MAML3: variants seen among roughly 807,000 people sequenced by gnomAD.
MAML3 encodes mastermind-like protein 3.
MAML3 carries 27 observed loss-of-function variants against 101.9 expected under a neutral mutation model. The observed-to-expected ratio is 0.27, with a 90% CI of 0.20 to 0.37. MAML3 has a LOEUF of 0.37. Ranked by LOEUF, MAML3 falls within the 10% of genes least tolerant of loss-of-function variation. The pLI is 1.00. For missense variants in MAML3, 1,316 were observed against 1,444.9 expected, an observed-to-expected ratio of 0.91 and a Z score of 1.45; for synonymous variants, 501 against 555.9, an observed-to-expected ratio of 0.90 and a Z score of 1.39.
intron 1 of MAML3, among the ~76,000 whole-genome samples, chr4:140,111,897 C>G (rs1728444319): frequency 1.3e-5 from 2 of 152,230 alleles, no homozygotes. Flanking sequence ...AACCCTCACC[C>G]TTGCCCTCCT....
chr4:139,893,451 G>A (rs1033500669), intron 1 of MAML3, among the ~76,000 whole-genome samples: 7 of 152,106 alleles, frequency 4.6e-5, no homozygotes, highest in Admixed American at 2.6e-4. Context: ...TCTGTTTGGT[G>A]AGTTCCAAGA....
intron 2 of MAML3, among the ~76,000 whole-genome samples, chr4:139,776,011 T>C (rs934811921): frequency 1.3e-5 from 2 of 152,218 alleles, no homozygotes; most frequent in Non-Finnish European, 1.5e-5. Context: ...GCCATTTAAC[T>C]TATTTATGGG....
intron 3 of MAML3, among the ~76,000 whole-genome samples, chr4:139,727,046 G>C: frequency 6.6e-6 from 1 of 152,178 alleles, no homozygotes; most frequent in East Asian, 1.9e-4. Context: ...GTTCTTTAGA[G>C]TGTTCATTAT....
At chr4:140,039,579 T>C (rs1727046666) in intron 1 of MAML3, among the ~76,000 whole-genome samples, 1 of 152,188 alleles carries the variant, frequency 6.6e-6, no homozygotes, top group Non-Finnish European at 1.5e-5. Flanking sequence ...CCCATAGCAC[T>C]GTAGGCACAG....
chr4:140,019,873 A>T (rs945922952), intron 1 of MAML3, among the ~76,000 whole-genome samples: 2 of 152,210 alleles, frequency 1.3e-5, no homozygotes, highest in African/African-American at 4.8e-5. Flanking sequence ...CCTAATTTAT[A>T]TGACGAAATA....
chr4:140,041,332 G>A (rs1474715049), intron 1 of MAML3, among the ~76,000 whole-genome samples: 9 of 152,148 alleles, frequency 5.9e-5, no homozygotes, highest in African/African-American at 2.4e-5. Flanking sequence ...AGAACAGAGA[G>A]TGGAAGAGAG....
chr4:139,783,168 T>C (rs1386318285), intron 2 of MAML3, among the ~76,000 whole-genome samples: 4 of 152,208 alleles, frequency 2.6e-5, no homozygotes, highest in African/African-American at 9.7e-5. Context: ...TTGTCCTCTG[T>C]CTATCTGTAG....
chr4:139,813,049 T>A (rs1248062676), intron 2 of MAML3, among the ~76,000 whole-genome samples: 1 of 143,478 alleles, frequency 7.0e-6, no homozygotes, highest in African/African-American at 2.6e-5. Flanking sequence ...AAAATTAAAA[T>A]AAAACTCTTA....
chr4:139,946,463 A>C lies in MAML3; in HGVS notation c.469-55496T>G, dbSNP rs150557987. Among the ~76,000 whole-genome samples the C allele has an allele frequency of 5.5e-3, 832 of 152,262 alleles. 8 individuals are homozygous for C. The highest frequency in any genetic ancestry group is 0.017 in the African/African-American group (724 of 41,548). ...CAGTGCAATAATTTTTTTTTTGTTAAGCACACAGGTATGTACAAACGCACA... is the reference window on the plus strand; with the variant it reads ...CAGTGCAATAATTTTTTTTTTGTTACGCACACAGGTATGTACAAACGCACA... On this transcript the variant is annotated intron_variant, in intron 1 of 4. Transcript: ENST00000509479.
chr4:140,145,561 G>C (rs1301966939), intron 1 of MAML3, among the ~76,000 whole-genome samples: 1 of 147,938 alleles, frequency 6.8e-6, no homozygotes, highest in African/African-American at 2.6e-5. Context: ...TTTTTGTTTT[G>C]TTTTGTTTTG....
At chr4:140,139,834 T>G (rs1329113018) in intron 1 of MAML3, among the ~76,000 whole-genome samples, 1 of 152,196 alleles carries the variant, frequency 6.6e-6, no homozygotes, top group Non-Finnish European at 1.5e-5. Flanking sequence ...ACCTTGCATA[T>G]AGGTGAAAGT....
chr4:139,863,740 T>A (rs753909366), intron 2 of MAML3, among the ~76,000 whole-genome samples: 10 of 151,574 alleles, frequency 6.6e-5, no homozygotes, highest in Non-Finnish European at 1.3e-4. Flanking sequence ...TAAAATGCTC[T>A]ACAAATGTAA....
intron 1 of MAML3, among the ~76,000 whole-genome samples, chr4:140,024,209 A>C (rs1560869666): frequency 6.6e-6 from 1 of 152,060 alleles, no homozygotes; most frequent in Non-Finnish European, 1.5e-5. Context: ...AGCAGAGTCA[A>C]GATGGATGGA....
Position 139,821,097 on chromosome 4 carries a change from A to G in MAML3, c.2079+68260T>C, listed in dbSNP as rs568438718. ...TAACTTCTATTATCTAAGTAAATCT[A>G]TTGTTATCACAATGGGATGGATTAT... On this transcript the variant is annotated intron_variant, in intron 2 of 4. Transcript: ENST00000509479. 4.6e-5 allele frequency among the ~76,000 whole-genome samples: 7 copies of G among 152,322 alleles called. No individual in the cohort carries two copies. The East Asian group carries it at 1.2e-3, about 25-fold the overall frequency.
chr4:139,795,496 A>G (rs1225506709), intron 2 of MAML3, among the ~76,000 whole-genome samples: 1 of 152,232 alleles, frequency 6.6e-6, no homozygotes, highest in Non-Finnish European at 1.5e-5. Context: ...TTAAATTGTC[A>G]AATTCATCTT....
chr4:139,802,968 A>C (rs1170533525), intron 2 of MAML3, among the ~76,000 whole-genome samples: 1 of 152,258 alleles, frequency 6.6e-6, no homozygotes. Context: ...AACAGTGTTA[A>C]GTGATTACAT....
At position 140,129,594 on chromosome 4, in the gene MAML3, AG is replaced by A. The variant is rs373489430; in HGVS notation, c.468+23265del. Among the ~76,000 whole-genome samples the A allele has an allele frequency of 6.1e-4, 93 of 152,300 alleles. 2 individuals are homozygous for A. The South Asian group carries it at 0.019, about 31-fold the overall frequency. ...GAGAGACCAAACGTGTAGAAACGAAAGGAAGAACAGAAATTTTCAGGCTGCT... is the reference window on the plus strand; with the variant it reads ...GAGAGACCAAACGTGTAGAAACGAAAGAAGAACAGAAATTTTCAGGCTGCT... On this transcript the variant is annotated intron_variant, in intron 1 of 4. Transcript: ENST00000509479.
intron 1 of MAML3, among the ~76,000 whole-genome samples, chr4:139,928,611 A>G (rs1733316201): frequency 6.6e-6 from 1 of 152,208 alleles, no homozygotes; most frequent in Non-Finnish European, 1.5e-5. Flanking sequence ...GAATAGCTTG[A>G]GTAAAAGCAC....
At chr4:140,114,494 G>C (rs1331295716) in intron 1 of MAML3, among the ~76,000 whole-genome samples, 1 of 152,166 alleles carries the variant, frequency 6.6e-6, no homozygotes, top group Non-Finnish European at 1.5e-5. Flanking sequence ...GCTGTATATA[G>C]CTGCATATAA....
Sources: gnomAD v4.1 joint callset for allele counts (sites outside exome capture counted in the v4.1 genomes callset) on GRCh38, gnomAD v4.1.1 for gene constraint, MANE v1.5 for transcripts, NCBI Gene and HGNC (gene_info 2026-07-23, HGNC 2026-07-21) for gene names.